The following RGSL1 variants were observed in gnomAD, a reference collection of about 807,000 sequenced individuals.
RGSL1 encodes regulator of G protein signaling protein-like.
Under a neutral mutation model 124.7 loss-of-function variants are expected in RGSL1, and 97 were observed. That is an observed-to-expected ratio of 0.78 (90% CI 0.66 to 0.92). RGSL1 has a LOEUF of 0.92. Ranked by LOEUF, RGSL1 falls within the 40% of genes least tolerant of loss-of-function variation. The pLI is 0.00. For missense variants in RGSL1, 1,233 were observed against 1,288.4 expected, an observed-to-expected ratio of 0.96 and a Z score of 0.66; for synonymous variants, 424 against 438.1, an observed-to-expected ratio of 0.97 and a Z score of 0.40.
intron 13 of RGSL1, 21 bp from the exon 14 acceptor site, chr1:182,532,641 T>G: frequency 1.3e-6 from 2 of 1,549,074 alleles, no homozygotes; most frequent in Non-Finnish European, 1.7e-6. Flanking sequence ...GAACATGTTA[T>G]ACTCCTCTTT....
At chr1:182,520,588 A>G (rs557980948) in intron 9 of RGSL1, among the ~76,000 whole-genome samples, 4 of 152,048 alleles carry the variant, frequency 2.6e-5, no homozygotes, top group Admixed American at 6.5e-5. Flanking sequence ...ACCTCTATAT[A>G]TTGATTTTGT....
chr1:182,450,608 G>T (rs1484567477), intron 1 of RGSL1: 1 of 231,352 alleles, frequency 4.3e-6, no homozygotes, highest in African/African-American at 2.2e-5. Flanking sequence ...GGAGAAATGA[G>T]AGGATGAGGA....
At chr1:182,451,082 TCTG>T (rs1460276041) in intron 1 of RGSL1, among the ~76,000 whole-genome samples, 1 of 148,668 alleles carries the variant, frequency 6.7e-6, no homozygotes, top group Non-Finnish European at 1.5e-5. Flanking sequence ...GGAGGCAGAG[TCTG>T]CAGTGAGTTG....
intron 9 of RGSL1, among the ~76,000 whole-genome samples, chr1:182,500,699 A>G (rs1656283013): frequency 6.6e-6 from 1 of 152,168 alleles, no homozygotes; most frequent in South Asian, 2.1e-4. Flanking sequence ...TTTAGTTTAC[A>G]AGTTTTACAT....
chr1:182,504,328 G>C (rs543863929), intron 9 of RGSL1, among the ~76,000 whole-genome samples: 2 of 151,792 alleles, frequency 1.3e-5, no homozygotes, highest in African/African-American at 4.8e-5. Context: ...TAATTCTCCC[G>C]GGTTTTTGTA....
chr1:182,469,301 C>A (rs1653620004), intron 4 of RGSL1, among the ~76,000 whole-genome samples: 1 of 151,976 alleles, frequency 6.6e-6, no homozygotes, highest in Non-Finnish European at 1.5e-5. Context: ...TGGAGAACAC[C>A]TAAAACTCAA....
Position 182,530,365 on chromosome 1 carries a change from A to C in RGSL1, c.2243+4A>C, listed in dbSNP as rs1446005297. The stretch of plus-strand genomic sequence containing the variant: ...TGAAATCTATAGAAGAAAAGTGGTG[A>C]GTATACTCAATTAAGGAAAGGATTC... On this transcript the variant is annotated splice_donor_region_variant and intron_variant, in intron 12 of 21. Coordinates refer to ENST00000294854, the MANE Select transcript of RGSL1 (RefSeq NM_001137669.2). 3 of 1,544,464 alleles carry C rather than the reference A, an allele frequency of 1.9e-6. No individual in the cohort carries two copies. The African/African-American group carries it at 4.1e-5, about 21-fold the overall frequency.
chr1:182,521,993 T>A lies in RGSL1; in HGVS notation c.1826-11T>A. The A allele has an allele frequency of 1.3e-6, 2 of 1,486,876 alleles. No individual in the cohort carries two copies. The highest frequency in any genetic ancestry group is 1.5e-5 in the African/African-American group (1 of 65,000). 92.1% of individuals were successfully genotyped at this position (1,486,876 alleles called of 1,614,324 possible). On this transcript the variant is annotated splice_polypyrimidine_tract_variant and intron_variant, in intron 9 of 21. Transcript: ENST00000294854. ...ATATAGTGTTCTCCAACTTAGTGAT[T>A]TTTTTTTTAGATTTTAAAATGGAAA...
At chr1:182,524,710 T>C (rs995371676) in intron 10 of RGSL1, among the ~76,000 whole-genome samples, 3 of 152,222 alleles carry the variant, frequency 2.0e-5, no homozygotes, top group African/African-American at 4.8e-5. Context: ...GGCACTGATA[T>C]GGTTTGAAGC....
chr1:182,524,990 A>G (rs1295251193), intron 10 of RGSL1, among the ~76,000 whole-genome samples: 3 of 152,206 alleles, frequency 2.0e-5, no homozygotes, highest in Non-Finnish European at 4.4e-5. Context: ...ACTAGTATAA[A>G]AAAGAAAAAT....
At chr1:182,533,736 A>G (rs1219421616) in intron 14 of RGSL1, among the ~76,000 whole-genome samples, 2 of 152,226 alleles carry the variant, frequency 1.3e-5, no homozygotes, top group African/African-American at 4.8e-5. Context: ...AGCACATGCT[A>G]TAAGAGGGTT....
intron 6 of RGSL1, among the ~76,000 whole-genome samples, chr1:182,484,887 G>A (rs1654982572): frequency 2.0e-5 from 3 of 152,176 alleles, no homozygotes; most frequent in South Asian, 4.1e-4. Context: ...GGTGGGGGTG[G>A]TTTGGCAGCA....
chr1:182,492,783 C>G (rs1188522843), intron 8 of RGSL1, among the ~76,000 whole-genome samples: 1 of 152,058 alleles, frequency 6.6e-6, no homozygotes, highest in East Asian at 1.9e-4. Context: ...CGCCCGCCAC[C>G]ATACCCGGCT....
chr1:182,524,128 C>G (rs1658561377), intron 10 of RGSL1, among the ~76,000 whole-genome samples: 1 of 151,918 alleles, frequency 6.6e-6, no homozygotes, highest in Non-Finnish European at 1.5e-5. Context: ...ACATAAAAAG[C>G]CAGACTGAGA....
chr1:182,491,832 A>G (rs190083361), intron 8 of RGSL1, among the ~76,000 whole-genome samples: 47 of 145,800 alleles, frequency 3.2e-4, no homozygotes, highest in African/African-American at 1.2e-3. Flanking sequence ...TAAATCCCAG[A>G]ACTCACAACC....
intron 9 of RGSL1, among the ~76,000 whole-genome samples, chr1:182,508,147 C>A (rs754012142): frequency 1.6e-4 from 25 of 152,240 alleles, no homozygotes; most frequent in Non-Finnish European, 2.9e-4. Context: ...TTCCTACCGA[C>A]AATGTGCAGG....
At chr1:182,506,238 C>T (rs1027585163) in intron 9 of RGSL1, among the ~76,000 whole-genome samples, 2 of 152,078 alleles carry the variant, frequency 1.3e-5, no homozygotes, top group East Asian at 3.8e-4. Flanking sequence ...ATTTAAATGT[C>T]TATAAGACAT....
intron 6 of RGSL1, among the ~76,000 whole-genome samples, chr1:182,475,338 T>G (rs1654206778): frequency 6.6e-6 from 1 of 152,158 alleles, no homozygotes; most frequent in Non-Finnish European, 1.5e-5. Flanking sequence ...GCCCATCATA[T>G]AGCTATTGTA....
intron 9 of RGSL1, among the ~76,000 whole-genome samples, chr1:182,509,453 ACCTC>A (rs1657152533): frequency 3.2e-5 from 1 of 31,334 alleles, no homozygotes; most frequent in South Asian, 1.2e-3. Context: ...TGACCCCCCC[ACCTC>A]CCTCCCGGAC....
Sources: allele counts gnomAD v4.1 joint callset (sites outside exome capture counted in the v4.1 genomes callset), GRCh38; gene constraint gnomAD v4.1.1; transcripts MANE v1.5; gene names NCBI Gene and HGNC (gene_info 2026-07-23, HGNC 2026-07-21).